LHPP: variants seen among roughly 807,000 people sequenced by gnomAD.
LHPP encodes the protein hLHPP.
Under a neutral mutation model 30.3 loss-of-function variants are expected in LHPP, and 24 were observed. The ratio of observed to expected loss-of-function variants is 0.79; its 90% CI spans 0.57 to 1.11. The LOEUF (loss-of-function observed/expected upper bound fraction) is 1.11. Ranked by LOEUF, LHPP falls within the 50% of genes most tolerant of loss-of-function variation. LHPP has a pLI of 0.00. For missense variants in LHPP, 356 were observed against 367.2 expected (o/e 0.97, Z 0.25); for synonymous variants, 150 against 157.1 (o/e 0.95, Z 0.34).
intron 6 of LHPP, among the ~76,000 whole-genome samples, chr10:124,536,963 A>T (rs904471469): frequency 6.6e-6 from 1 of 152,190 alleles, no homozygotes; most frequent in African/African-American, 2.4e-5. Flanking sequence ...CCAGCAACAA[A>T]AATCATAAAC....
intron 6 of LHPP, among the ~76,000 whole-genome samples, chr10:124,522,936 C>A (rs543537753): frequency 6.6e-6 from 1 of 152,198 alleles, no homozygotes; most frequent in Non-Finnish European, 1.5e-5. Context: ...CAGACCCTTC[C>A]TGCCTCTTAT....
chr10:124,612,512 G>T (rs1847101360), intron 6 of LHPP, among the ~76,000 whole-genome samples: 1 of 152,112 alleles, frequency 6.6e-6, no homozygotes, highest in African/African-American at 2.4e-5. Context: ...CGTAGCTCCT[G>T]CCTGCCTTCA....
rs117045279 is a variant in LHPP at position 124,530,339 on chromosome 10, C to T, written c.716+13068C>T. ...CCTTGCTGCCAGGGATGGGACAGGCCGGGCCTGCTGGAGCCAGGGCCGATG... is the reference window on the plus strand; with the variant it reads ...CCTTGCTGCCAGGGATGGGACAGGCTGGGCCTGCTGGAGCCAGGGCCGATG... On this transcript the variant is annotated intron_variant, in intron 6 of 6. Coordinates refer to ENST00000368842, the MANE Select transcript of LHPP (RefSeq NM_022126.4). Among the ~76,000 whole-genome samples the T allele has an allele frequency of 9.0e-3, 1,372 of 152,238 alleles. 11 individuals carry two copies. Among genetic ancestry groups the T allele is most frequent in the South Asian group, 0.016 (79 of 4,826 alleles).
intron 6 of LHPP, among the ~76,000 whole-genome samples, chr10:124,564,179 A>G (rs1473016135): frequency 6.6e-6 from 1 of 151,110 alleles, no homozygotes; most frequent in Non-Finnish European, 1.5e-5. Context: ...GCTGGAGTGC[A>G]GTGGCGCGAT....
chr10:124,603,684 G>C (rs1277410727), intron 6 of LHPP, among the ~76,000 whole-genome samples: 1 of 152,208 alleles, frequency 6.6e-6, no homozygotes, highest in African/African-American at 2.4e-5. Context: ...CCTCGCCTCG[G>C]CACTGATGTG....
At chr10:124,502,426 G>A (rs897310659) in intron 5 of LHPP, among the ~76,000 whole-genome samples, 5 of 150,044 alleles carry the variant, frequency 3.3e-5, no homozygotes, top group Admixed American at 6.6e-5. Flanking sequence ...GTGCAGTGGC[G>A]CTGTCTCAGC....
chr10:124,540,453 A>T (rs1955154684), intron 6 of LHPP, among the ~76,000 whole-genome samples: 1 of 152,194 alleles, frequency 6.6e-6, no homozygotes, highest in Admixed American at 6.5e-5. Flanking sequence ...CTCGCCCACC[A>T]ACCCCACTGA....
intron 6 of LHPP, among the ~76,000 whole-genome samples, chr10:124,579,802 T>C (rs10901772): frequency 0.26 from 39,414 of 152,114 alleles, 5,637 homozygotes; most frequent in East Asian, 0.39. Context: ...AAGAGCTCGC[T>C]GGAGCAAACA....
At chr10:124,469,711 G>C (rs1426699858) in intron 1 of LHPP, among the ~76,000 whole-genome samples, 2 of 151,818 alleles carry the variant, frequency 1.3e-5, no homozygotes, top group African/African-American at 4.8e-5. Flanking sequence ...TGCCTCTGCT[G>C]TACTAAAGAC....
rs368513444 is a variant in LHPP at position 124,488,564 on chromosome 10, A to C, written c.456A>C (p.Ser152=). Residue 152 remains serine, a synonymous_variant, in exon 3 of 7, where the codon TCA becomes TCC. Transcript: ENST00000368842. ...LMELEKPVLI[S]LGKGRYYKET... ...AGCTGGAAAAACCTGTGCTCATATC[A>C]CTGGGAAAAGGGTAAGTTGGCTCCA... 5 of 1,609,298 alleles carry C rather than the reference A, an allele frequency of 3.1e-6. No individual in the cohort carries two copies. The Admixed American group carries it at 8.5e-5, about 27-fold the overall frequency.
In LHPP at chr10:124,596,924, C is replaced by T. The variant is rs11245309; in HGVS notation, c.717-16340C>T. ...GAGACTGACTTTTGAGTCGGTGGAC[C>T]GGGTGACGGAGACCCACCCTCCGTG... is the stretch of plus-strand genomic sequence containing the variant. On this transcript the variant is annotated intron_variant, in intron 6 of 6. Coordinates refer to ENST00000368842, the MANE Select transcript of LHPP (RefSeq NM_022126.4). This position sits in a 1 kb window ranked among gnomAD's most constrained non-coding sequence, Gnocchi z 4.6. 0.24 allele frequency among the ~76,000 whole-genome samples: 36,155 copies of T among 152,020 alleles called. 4,848 individuals are homozygous for T. The highest frequency in any genetic ancestry group is 0.41 in the East Asian group (2,093 of 5,150).
Position 124,497,097 on chromosome 10 carries a change from G to A in LHPP, c.531+73G>A, listed in dbSNP as rs368460004. ...CTGGGACTTTTTGGGTCTTTGTTGAGAAGAGGCTGTGCTTAATTAACGTAC... is the reference window on the plus strand; with the variant it reads ...CTGGGACTTTTTGGGTCTTTGTTGAAAAGAGGCTGTGCTTAATTAACGTAC... On this transcript the variant is annotated intron_variant, in intron 4 of 6. Transcript: ENST00000368842. The A allele has an allele frequency of 8.2e-5, 99 of 1,205,200 alleles. 1 individual carries two copies. In the East Asian group the frequency reaches 2.2e-3, roughly 27 times the overall value. The allele number at this position is 1,205,200 out of a possible 1,614,324, so 74.7% of individuals were successfully genotyped here. A position where few individuals can be genotyped will look rare whatever the true frequency, so the allele number is the denominator to read the frequency against.
intron 5 of LHPP, among the ~76,000 whole-genome samples, chr10:124,504,985 C>T: frequency 6.6e-6 from 1 of 152,142 alleles, no homozygotes; most frequent in East Asian, 1.9e-4. Flanking sequence ...CCACCCTGAG[C>T]ATCTGTGGCC....
intron 5 of LHPP, among the ~76,000 whole-genome samples, chr10:124,516,786 G>A (rs188060332): frequency 6.6e-6 from 1 of 152,292 alleles, no homozygotes; most frequent in African/African-American, 2.4e-5. Flanking sequence ...AGATTTGCCA[G>A]AGATTTGCTT....
At chr10:124,465,474 C>A (rs1162174264) in intron 1 of LHPP, among the ~76,000 whole-genome samples, 2 of 152,138 alleles carry the variant, frequency 1.3e-5, no homozygotes, top group Admixed American at 1.3e-4. Flanking sequence ...TCCTTTGAAA[C>A]CTTGGAGAGA....
At chr10:124,463,034 A>AT (rs1447161097) in intron 1 of LHPP, among the ~76,000 whole-genome samples, 6 of 151,942 alleles carry the variant, frequency 3.9e-5, no homozygotes, top group Admixed American at 3.3e-4. Context: ...CACCCGGCTA[A>AT]TTTTTTGTAT....
chr10:124,467,223 A>G (rs1952576350), intron 1 of LHPP, among the ~76,000 whole-genome samples: 1 of 151,914 alleles, frequency 6.6e-6, no homozygotes, highest in South Asian at 2.1e-4. Context: ...GGGGGCTTGG[A>G]CTGGGTAGAA....
rs1952415382 is a variant in LHPP at position 124,462,076 on chromosome 10, G to C, written c.125+89G>C. The C allele has an allele frequency of 9.8e-6, 11 of 1,119,732 alleles. No individual in the cohort carries two copies. The South Asian group carries it at 3.2e-4, about 32-fold the overall frequency. The allele number at this position is 1,119,732 out of a possible 1,614,324, so 69.4% of individuals were successfully genotyped here. Reference sequence around the variant, plus strand: ...CCGGCAGGGGGCGGGGCGGCAGGGGGCGGGGCCGCGGCGCAGGCCCCGCCT... The same window carrying C: ...CCGGCAGGGGGCGGGGCGGCAGGGGCCGGGGCCGCGGCGCAGGCCCCGCCT... On this transcript the variant is annotated intron_variant, in intron 1 of 6. Coordinates refer to ENST00000368842, the MANE Select transcript of LHPP (RefSeq NM_022126.4).
intron 6 of LHPP, among the ~76,000 whole-genome samples, chr10:124,522,668 T>C (rs544115729): frequency 2.3e-4 from 35 of 151,356 alleles, no homozygotes; most frequent in African/African-American, 7.8e-4. Flanking sequence ...CTGGCCTCAC[T>C]CCAGGGCTCC....
Sources: allele counts gnomAD v4.1 joint callset (sites outside exome capture counted in the v4.1 genomes callset), GRCh38; gene constraint gnomAD v4.1.1; non-coding constraint Gnocchi (gnomAD v3.1); transcripts MANE v1.5; gene names NCBI Gene and HGNC (gene_info 2026-07-23, HGNC 2026-07-21).